SEPTIN10: variants seen among roughly 807,000 people sequenced by gnomAD.
SEPTIN10 encodes septin 10.
In SEPTIN10, 66 loss-of-function variants were observed where a neutral mutation model predicts 54.8. That is an observed-to-expected ratio of 1.21 (90% CI 0.99 to 1.48). The LOEUF is 1.48. Ranked by LOEUF, SEPTIN10 falls within the 40% of genes most tolerant of loss-of-function variation. The probability of loss-of-function intolerance (pLI) is 0.00; values close to 1 mark genes in which losing one functional copy is unlikely to be tolerated. For synonymous variants in SEPTIN10, 161 were observed against 181.0 expected (o/e 0.89, Z 0.89); for missense variants, 620 against 545.6 (o/e 1.14, Z -1.36).
chr2:109,602,830 A>T (rs1696935640), intron 1 of SEPTIN10, among the ~76,000 whole-genome samples: 1 of 151,710 alleles, frequency 6.6e-6, no homozygotes, highest in Non-Finnish European at 1.5e-5. Flanking sequence ...AGCTGAAGAA[A>T]AGGGGAAGGA....
intron 1 of SEPTIN10, among the ~76,000 whole-genome samples, chr2:109,603,621 A>G (rs905496112): frequency 6.6e-6 from 1 of 152,208 alleles, no homozygotes. Flanking sequence ...GTATAAATCA[A>G]TATCCTTGCA....
intron 4 of SEPTIN10, among the ~76,000 whole-genome samples, chr2:109,577,953 A>G (rs1257343641): frequency 6.6e-6 from 1 of 151,642 alleles, no homozygotes; most frequent in Admixed American, 6.6e-5. Flanking sequence ...ATATAATAGC[A>G]ATCAGGAGAA....
In SEPTIN10 at chr2:109,544,031, A is replaced by G; in HGVS notation, c.*278T>C. On this transcript the variant is annotated 3_prime_UTR_variant, in exon 11 of 11. Coordinates refer to ENST00000397712, the MANE Select transcript of SEPTIN10 (RefSeq NM_144710.5). ...AAAGGTGTCGGGTGGGGAATTTTCC[A>G]CTTGTGGGGTCAAGTCAGTGCTCAA... is the stretch of plus-strand genomic sequence containing the variant. 1.1e-6 allele frequency: 1 copy of G among 907,796 alleles called. No homozygotes were observed. Among genetic ancestry groups the G allele is most frequent in the South Asian group, 1.6e-5 (1 of 61,532 alleles). The allele number at this position is 907,796 out of a possible 1,614,324, so 56.2% of individuals were successfully genotyped here.
chr2:109,565,057 T>C (rs1686646941), intron 7 of SEPTIN10, among the ~76,000 whole-genome samples: 1 of 152,214 alleles, frequency 6.6e-6, no homozygotes, highest in African/African-American at 2.4e-5. Flanking sequence ...ACTTACATGA[T>C]CCTTCTTCTA....
intron 6 of SEPTIN10, among the ~76,000 whole-genome samples, chr2:109,566,563 G>A (rs1328463947): frequency 6.6e-6 from 1 of 152,148 alleles, no homozygotes; most frequent in Non-Finnish European, 1.5e-5. Flanking sequence ...TTGTGTGTGT[G>A]TGTACAGTAT....
At chr2:109,550,111 A>G (rs1441779996) in intron 9 of SEPTIN10, among the ~76,000 whole-genome samples, 1 of 151,636 alleles carries the variant, frequency 6.6e-6, no homozygotes, top group Non-Finnish European at 1.5e-5. Context: ...ACCAACATGG[A>G]GAAACCCCAT....
At chr2:109,595,480 C>T (rs1389065699) in intron 1 of SEPTIN10, among the ~76,000 whole-genome samples, 1 of 152,156 alleles carries the variant, frequency 6.6e-6, no homozygotes, top group Non-Finnish European at 1.5e-5. Context: ...AGCAGTATCA[C>T]GTCCCTCTAG....
chr2:109,582,075 G>GACACAC (rs55880328), intron 4 of SEPTIN10, among the ~76,000 whole-genome samples: 2,036 of 143,856 alleles, frequency 0.014, 46 homozygotes, highest in African/African-American at 0.046. Context: ...ATGTACAACA[G>GACACAC]ACACACACAC....
rs912558139 is a variant in SEPTIN10, at chr2:109,613,336, C to T, written c.30+462G>A. On this transcript the variant is annotated intron_variant, in intron 1 of 10. Coordinates refer to ENST00000397712, the MANE Select transcript of SEPTIN10 (RefSeq NM_144710.5). ...CAATGGAGGAAAACTTGGACGACCA[C>T]ACCATCGGATAAAACGGGAGAGCTT... 8 of 378,638 alleles carry T rather than the reference C, an allele frequency of 2.1e-5. No homozygotes were observed. In the Admixed American group the frequency reaches 2.2e-4, roughly 11 times the overall value. 23.5% of individuals were successfully genotyped at this position (378,638 alleles called of 1,614,324 possible).
intron 5 of SEPTIN10, among the ~76,000 whole-genome samples, chr2:109,569,279 T>A (rs1300938161): frequency 6.6e-6 from 1 of 151,480 alleles, no homozygotes; most frequent in African/African-American, 2.4e-5. Flanking sequence ...AAATACAAAA[T>A]AATTAGGTGG....
At chr2:109,563,770 C>T (rs1458355253) in intron 8 of SEPTIN10, among the ~76,000 whole-genome samples, 1 of 152,186 alleles carries the variant, frequency 6.6e-6, no homozygotes, top group East Asian at 1.9e-4. Flanking sequence ...CTAAGCTTCA[C>T]TCATTCCAAA....
intron 8 of SEPTIN10, among the ~76,000 whole-genome samples, chr2:109,554,529 A>G (rs982903912): frequency 1.3e-5 from 2 of 152,106 alleles, no homozygotes; most frequent in African/African-American, 2.4e-5. Context: ...ACCCCCACCC[A>G]ACTCAGACTG....
intron 8 of SEPTIN10, among the ~76,000 whole-genome samples, chr2:109,558,305 T>A (rs189081052): frequency 1.3e-5 from 2 of 152,216 alleles, no homozygotes; most frequent in East Asian, 3.8e-4. Context: ...TGAAGAACTA[T>A]TTAGTTCTTG....
rs1187143911 is a variant in SEPTIN10 at position 109,564,536 on chromosome 2, T to C, written c.860-2A>G. 2.7e-6 allele frequency: 4 copies of C among 1,492,904 alleles called. No individual in the cohort carries two copies. The highest frequency in any genetic ancestry group is 3.6e-6 in the Non-Finnish European group (4 of 1,112,330). The allele number at this position is 1,492,904 out of a possible 1,614,324, so 92.5% of individuals were successfully genotyped here. A position where few individuals can be genotyped will look rare whatever the true frequency, so the allele number is the denominator to read the frequency against. ...AGTCACAGTGGTTTTCATTTTCCAC[T>C]AGCCAAAAAAAAATAAGAAAAGAAC... On this transcript the variant is annotated splice_acceptor_variant, in intron 7 of 10. Transcript: ENST00000397712. LOFTEE classifies it high-confidence loss of function.
At chr2:109,550,311 C>CTT (rs796411788) in intron 9 of SEPTIN10, among the ~76,000 whole-genome samples, 3 of 143,364 alleles carry the variant, frequency 2.1e-5, no homozygotes, top group Non-Finnish European at 1.5e-5. Flanking sequence ...AAAAAAGTAT[C>CTT]TTTTTTTTTT....
chr2:109,600,689 G>C (rs796749234), intron 1 of SEPTIN10, among the ~76,000 whole-genome samples: 2 of 152,052 alleles, frequency 1.3e-5, no homozygotes, highest in African/African-American at 4.8e-5. Context: ...ATTTAATTCT[G>C]ACTTCTCTAC....
At chr2:109,547,950 A>G (rs1681741520) in intron 9 of SEPTIN10, among the ~76,000 whole-genome samples, 1 of 152,196 alleles carries the variant, frequency 6.6e-6, no homozygotes, top group South Asian at 2.1e-4. Context: ...GTGCTGGGGT[A>G]ACTGTGGGAG....
chr2:109,591,208 G>C (rs1233830661), intron 2 of SEPTIN10, among the ~76,000 whole-genome samples: 2 of 152,170 alleles, frequency 1.3e-5, no homozygotes, highest in African/African-American at 4.8e-5. Flanking sequence ...AAGATGGTAA[G>C]AACTTCATAA....
intron 8 of SEPTIN10, among the ~76,000 whole-genome samples, chr2:109,553,583 T>G (rs1359774423): frequency 7.1e-6 from 1 of 140,292 alleles, no homozygotes; most frequent in Non-Finnish European, 1.5e-5. Context: ...CCTGGCCTGG[T>G]GGCTCACGCC....
Sources: gnomAD v4.1 joint callset for allele counts (sites outside exome capture counted in the v4.1 genomes callset) on GRCh38, gnomAD v4.1.1 for gene constraint, MANE v1.5 for transcripts, NCBI Gene and HGNC (gene_info 2026-07-23, HGNC 2026-07-21) for gene names.